Variants in CUX2 observed in about 807,000 individuals in gnomAD.
CUX2 encodes the protein homeobox protein cut-like 2.
A neutral mutation model predicts 144.8 loss-of-function variants in CUX2; 40 were observed. The observed-to-expected ratio is 0.28, with a 90% confidence interval of 0.21 to 0.36. The LOEUF is 0.36. Ranked by LOEUF, CUX2 falls within the 10% of genes least tolerant of loss-of-function variation. The pLI is 1.00. For missense variants in CUX2, 1,615 were observed against 1,994.0 expected, an observed-to-expected ratio of 0.81 and a Z score of 3.62; for synonymous variants, 827 against 875.6, an observed-to-expected ratio of 0.94 and a Z score of 0.98.
intron 18 of CUX2, among the ~76,000 whole-genome samples, chr12:111,324,144 T>A (rs745760190): frequency 3.3e-5 from 5 of 150,914 alleles, no homozygotes; most frequent in Non-Finnish European, 7.4e-5. Context: ...AAGTCAGGAG[T>A]TCGAGACCAG....
intron 1 of CUX2, among the ~76,000 whole-genome samples, chr12:111,193,622 G>A (rs1007088060): frequency 1.3e-5 from 2 of 152,238 alleles, no homozygotes; most frequent in Non-Finnish European, 2.9e-5. Context: ...AAATGGTAAT[G>A]AGTGTTCTGC....
intron 17 of CUX2, among the ~76,000 whole-genome samples, chr12:111,321,944 G>A (rs75392369): frequency 0.026 from 3,902 of 152,064 alleles, 162 homozygotes; most frequent in African/African-American, 0.09. Flanking sequence ...GGTACTGGAG[G>A]GGAAGGGCAC....
intron 1 of CUX2, among the ~76,000 whole-genome samples, chr12:111,094,635 C>CT (rs1425431355): frequency 2.0e-5 from 3 of 152,192 alleles, no homozygotes; most frequent in Non-Finnish European, 4.4e-5. Flanking sequence ...GTATCTGGGA[C>CT]TACAGGCGTG....
In CUX2 at chr12:111,263,968, T is replaced by C; in HGVS notation, c.301+129T>C. On this transcript the variant is annotated intron_variant, in intron 4 of 21. Coordinates refer to ENST00000261726, the MANE Select transcript of CUX2 (RefSeq NM_015267.4). This position sits in a 1 kb window ranked among gnomAD's most constrained non-coding sequence, Gnocchi z 4.0. Reference sequence around the variant, plus strand: ...CTCCTGGGTGAGGCCAGGCACTCTGTATAGGGCAGGGGGAGCTGTGGCCAG... The same window carrying C: ...CTCCTGGGTGAGGCCAGGCACTCTGCATAGGGCAGGGGGAGCTGTGGCCAG... The C allele has an allele frequency of 1.2e-6, 1 of 823,698 alleles. No individual in the cohort carries two copies. Among genetic ancestry groups the C allele is most frequent in the Non-Finnish European group, 2.0e-6 (1 of 490,612 alleles). 51.0% of individuals were successfully genotyped at this position (823,698 alleles called of 1,614,324 possible). A position where few individuals can be genotyped will look rare whatever the true frequency, so the allele number is the denominator to read the frequency against.
intron 1 of CUX2, among the ~76,000 whole-genome samples, chr12:111,197,907 GC>G (rs1189828875): frequency 6.6e-6 from 1 of 152,160 alleles, no homozygotes; most frequent in Non-Finnish European, 1.5e-5. Context: ...CCACAGCAGT[GC>G]CCCCACTCAA....
At chr12:111,102,233 A>G (rs1480668988) in intron 1 of CUX2, among the ~76,000 whole-genome samples, 1 of 152,092 alleles carries the variant, frequency 6.6e-6, no homozygotes. Context: ...CTCTCCTCCA[A>G]CGGTCTGGTG....
intron 1 of CUX2, among the ~76,000 whole-genome samples, chr12:111,100,930 C>T (rs1282131249): frequency 6.6e-6 from 1 of 152,214 alleles, no homozygotes; most frequent in Non-Finnish European, 1.5e-5. Context: ...AGACTCCCAG[C>T]CTCTTGCCTC....
At chr12:111,176,958 G>A (rs1037721906) in intron 1 of CUX2, among the ~76,000 whole-genome samples, 3 of 152,148 alleles carry the variant, frequency 2.0e-5, no homozygotes, top group Non-Finnish European at 4.4e-5. Context: ...AAGATGTTTA[G>A]CAACATCTCC....
At chr12:111,094,906 C>T (rs1872731770) in intron 1 of CUX2, among the ~76,000 whole-genome samples, 1 of 152,174 alleles carries the variant, frequency 6.6e-6, no homozygotes, top group South Asian at 2.1e-4. Flanking sequence ...TCTTATTTAA[C>T]CAGGGAGGCT....
At position 111,334,682 on chromosome 12, in the gene CUX2, G is replaced by C. The variant is rs993024352; in HGVS notation, c.3168G>C (p.Val1056=). The C allele has an allele frequency of 6.2e-7, 1 of 1,612,544 alleles. No homozygotes were observed. Residue 1056 remains valine, a synonymous_variant, in exon 19 of 22, where the codon GTG becomes GTC. Transcript: ENST00000261726. ...ACACGTACTCCATCACCAAGAGGGT[G>C]AAGGAGGTCCTCACAGACAACAATC... The part of the protein sequence containing the change: ...ELDTYSITKR[V]KEVLTDNNLG...
chr12:111,146,709 T>C (rs765443842), intron 1 of CUX2, among the ~76,000 whole-genome samples: 1 of 152,194 alleles, frequency 6.6e-6, no homozygotes, highest in African/African-American at 2.4e-5. Context: ...AGCATGATCA[T>C]CAGAGTTTTG....
At chr12:111,108,769 T>C (rs1873763781) in intron 1 of CUX2, among the ~76,000 whole-genome samples, 2 of 151,916 alleles carry the variant, frequency 1.3e-5, no homozygotes, top group African/African-American at 2.4e-5. Flanking sequence ...CTCTCTCTCT[T>C]TTTTTGCAAC....
At chr12:111,043,541 G>T (rs997517311) in intron 1 of CUX2, among the ~76,000 whole-genome samples, 2 of 152,186 alleles carry the variant, frequency 1.3e-5, no homozygotes, top group African/African-American at 4.8e-5. Flanking sequence ...GGCCGGGTGC[G>T]GTGGCTCATG....
intron 3 of CUX2, among the ~76,000 whole-genome samples, chr12:111,231,815 T>C (rs1882475696): frequency 6.6e-6 from 1 of 152,186 alleles, no homozygotes; most frequent in Non-Finnish European, 1.5e-5. Context: ...TGATTTAAAG[T>C]ATACAGGAGG....
intron 1 of CUX2, among the ~76,000 whole-genome samples, chr12:111,133,364 T>A (rs1194242396): frequency 6.6e-6 from 1 of 152,226 alleles, no homozygotes; most frequent in Non-Finnish European, 1.5e-5. Flanking sequence ...AGAGGTTTCA[T>A]TGGACTTACA....
intron 1 of CUX2, among the ~76,000 whole-genome samples, chr12:111,083,209 A>C (rs1320056631): frequency 6.6e-6 from 1 of 152,154 alleles, no homozygotes; most frequent in Non-Finnish European, 1.5e-5. Flanking sequence ...AGAGATGAGC[A>C]GGGTGACCAG....
intron 1 of CUX2, among the ~76,000 whole-genome samples, chr12:111,201,480 C>T (rs1282906547): frequency 6.6e-6 from 1 of 152,206 alleles, no homozygotes; most frequent in Non-Finnish European, 1.5e-5. Flanking sequence ...CCCACAGCTC[C>T]CTCCTCCTCT....
intron 1 of CUX2, among the ~76,000 whole-genome samples, chr12:111,149,986 C>T (rs573363417): frequency 6.6e-6 from 1 of 152,220 alleles, no homozygotes; most frequent in Non-Finnish European, 1.5e-5. Context: ...ATGTCCAGGA[C>T]ATCCGGACAG....
intron 1 of CUX2, among the ~76,000 whole-genome samples, chr12:111,176,341 C>T (rs1878856328): frequency 6.6e-6 from 1 of 152,070 alleles, no homozygotes; most frequent in African/African-American, 2.4e-5. Flanking sequence ...AGCCACCATG[C>T]CCAGTGTGAG....
Sources: gnomAD v4.1 joint callset for allele counts (sites outside exome capture counted in the v4.1 genomes callset) on GRCh38, gnomAD v4.1.1 for gene constraint, Gnocchi (gnomAD v3.1) non-coding constraint, MANE v1.5 for transcripts, NCBI Gene and HGNC (gene_info 2026-07-23, HGNC 2026-07-21) for gene names.